Variants in PLAUR observed in about 807,000 individuals in gnomAD.
The protein encoded by PLAUR is plasminogen activator, urokinase receptor, also known as urokinase plasminogen activator surface receptor.
A neutral mutation model predicts 33.4 loss-of-function variants in PLAUR; 22 were observed. That is an observed-to-expected ratio of 0.66 (90% CI 0.47 to 0.94). The LOEUF is 0.94. Ranked by LOEUF, PLAUR falls within the 40% of genes least tolerant of loss-of-function variation. The pLI is 0.00. For missense variants in PLAUR, 408 were observed against 434.7 expected (o/e 0.94, Z 0.55); for synonymous variants, 148 against 167.3 (o/e 0.88, Z 0.89).
At chr19:43,651,041 A>AT (rs575485346) in intron 6 of PLAUR, among the ~76,000 whole-genome samples, 182 of 152,158 alleles carry the variant, frequency 1.2e-3, no homozygotes, top group African/African-American at 3.4e-3. Flanking sequence ...CAAAAAAAAA[A>AT]AAAAAAGATT....
At position 43,648,595 on chromosome 19, in the gene PLAUR, C is replaced by A. The variant is rs1377713236; in HGVS notation, c.*295G>T. Reference sequence around the variant, plus strand: ...CTGGCCTTGTCCACTGGTACAAAATCTTTATGTAAGTATAAAATAAATAAT... The same window carrying A: ...CTGGCCTTGTCCACTGGTACAAAATATTTATGTAAGTATAAAATAAATAAT... On this transcript the variant is annotated 3_prime_UTR_variant, in exon 7 of 7. Coordinates refer to ENST00000340093, the MANE Select transcript of PLAUR (RefSeq NM_002659.4). 1 of 985,772 alleles carries A rather than the reference C, an allele frequency of 1.0e-6. No homozygotes were observed. The highest frequency in any genetic ancestry group is 4.9e-5 in the Admixed American group (1 of 20,342). The allele number at this position is 985,772 out of a possible 1,614,324, so 61.1% of individuals were successfully genotyped here. A position where few individuals can be genotyped will look rare whatever the true frequency, so the allele number is the denominator to read the frequency against.
intron 1 of PLAUR, chr19:43,668,120 T>C: frequency 9.9e-7 from 1 of 1,007,708 alleles, no homozygotes; most frequent in Non-Finnish European, 1.2e-6. Context: ...GCGTCGATCT[T>C]TATGTTATAC....
At chr19:43,666,827 C>T (rs1048823817) in intron 2 of PLAUR, among the ~76,000 whole-genome samples, 2 of 151,834 alleles carry the variant, frequency 1.3e-5, no homozygotes, top group East Asian at 3.9e-4. Flanking sequence ...CCTCAGCCTC[C>T]CAAAGTGCTG....
At chr19:43,660,222 A>G (rs1023502180) in intron 3 of PLAUR, among the ~76,000 whole-genome samples, 1 of 151,416 alleles carries the variant, frequency 6.6e-6, no homozygotes, top group African/African-American at 2.4e-5. Context: ...CTGGAGTGCA[A>G]TGGTGTGATC....
chr19:43,650,167 T>C (rs748235767), intron 6 of PLAUR, among the ~76,000 whole-genome samples: 1 of 150,934 alleles, frequency 6.6e-6, no homozygotes, highest in Non-Finnish European at 1.5e-5. Context: ...GCGACCACCA[T>C]GCCCAGCTAA....
At chr19:43,665,219 G>A (rs1188744928) in intron 3 of PLAUR, 97 bp downstream of exon 3, 2 of 1,293,024 alleles carry the variant, frequency 1.5e-6, no homozygotes, top group East Asian at 2.3e-5. Flanking sequence ...TGGAGTTGGG[G>A]TTCAGCTGAT....
intron 6 of PLAUR, among the ~76,000 whole-genome samples, chr19:43,650,311 T>G (rs565616857): frequency 4.3e-4 from 58 of 135,408 alleles, no homozygotes; most frequent in African/African-American, 1.4e-3. Flanking sequence ...GCCTGGCTGG[T>G]TTTTTTTTTG....
intron 3 of PLAUR, among the ~76,000 whole-genome samples, chr19:43,658,757 A>C (rs1974311941): frequency 1.3e-5 from 2 of 152,196 alleles, no homozygotes; most frequent in African/African-American, 4.8e-5. Context: ...CTCAACTGGC[A>C]GGCCGCTAGC....
In PLAUR at chr19:43,670,082, GAGCAGC is replaced by G. The variant is rs768969786; in HGVS notation, c.33_38del (p.Leu12_Leu13del). On this transcript the variant is annotated inframe_deletion, in exon 1 of 7. Transcript: ENST00000340093. ...AGCCCCTACCTGGGACGCAGGTGTG[GAGCAGC>G]AGCAGCAGCGGCAGCAGCGGCGGGT... The G allele has an allele frequency of 6.2e-7, 1 of 1,613,060 alleles. No homozygotes were observed. Among genetic ancestry groups the G allele is most frequent in the South Asian group, 1.1e-5 (1 of 91,040 alleles).
intron 5 of PLAUR, among the ~76,000 whole-genome samples, chr19:43,653,983 G>C (rs960896510): frequency 6.6e-6 from 1 of 152,052 alleles, no homozygotes; most frequent in African/African-American, 2.4e-5. Flanking sequence ...AATTAGCCAG[G>C]CATGGTGGTG....
At chr19:43,652,052 T>G in intron 6 of PLAUR, 173 bp downstream of exon 6, 2 of 1,396,986 alleles carry the variant, frequency 1.4e-6, no homozygotes, top group Non-Finnish European at 1.9e-6. Flanking sequence ...AATGTCCACA[T>G]CCTGATGGAC....
intron 1 of PLAUR, among the ~76,000 whole-genome samples, chr19:43,668,541 G>C (rs1967371354): frequency 6.8e-6 from 1 of 146,022 alleles, no homozygotes; most frequent in Non-Finnish European, 1.5e-5. Flanking sequence ...TCATAACTCC[G>C]CCCCAGTCCC....
downstream of PLAUR, among the ~76,000 whole-genome samples, chr19:43,647,370 A>C (rs1002870221): frequency 5.3e-5 from 8 of 152,134 alleles, 1 homozygote; most frequent in Admixed American, 5.2e-4. Flanking sequence ...GTTATCTTCT[A>C]TCCGTCTCCT....
chr19:43,663,616 T>C (rs1967100491), intron 3 of PLAUR, among the ~76,000 whole-genome samples: 1 of 151,620 alleles, frequency 6.6e-6, no homozygotes, highest in Admixed American at 6.6e-5. Flanking sequence ...ACCTCATCTC[T>C]ACTAAAAATA....
At chr19:43,659,711 T>C (rs1458723284) in intron 3 of PLAUR, among the ~76,000 whole-genome samples, 2 of 152,154 alleles carry the variant, frequency 1.3e-5, no homozygotes, top group Non-Finnish European at 2.9e-5. Context: ...GGCGGCCCCA[T>C]CCAGTCCCCG....
chr19:43,653,616 G>T (rs1047229660), intron 5 of PLAUR, among the ~76,000 whole-genome samples: 1 of 150,222 alleles, frequency 6.7e-6, no homozygotes, highest in Non-Finnish European at 1.5e-5. Flanking sequence ...CCAAGATCAC[G>T]CCACTGCCCT....
downstream of PLAUR, chr19:43,646,340 T>C: frequency 1.6e-6 from 1 of 627,218 alleles, no homozygotes; most frequent in East Asian, 2.8e-5. Flanking sequence ...AAGTTTCCTG[T>C]TTCTTCTCTA....
chr19:43,661,048 T>C (rs1966964047), intron 3 of PLAUR: 1 of 152,184 alleles, frequency 6.6e-6, no homozygotes, highest in Non-Finnish European at 1.5e-5. Context: ...CTTTTGTAGC[T>C]TCCCAGTTGC....
intron 6 of PLAUR, among the ~76,000 whole-genome samples, chr19:43,651,234 A>G (rs1973981693): frequency 6.6e-6 from 1 of 151,574 alleles, no homozygotes; most frequent in African/African-American, 2.4e-5. Context: ...ATGTGCCACC[A>G]TGCCCGACTA....
Sources: gnomAD v4.1 joint callset for allele counts (sites outside exome capture counted in the v4.1 genomes callset) on GRCh38, gnomAD v4.1.1 for gene constraint, MANE v1.5 for transcripts, NCBI Gene and HGNC (gene_info 2026-07-23, HGNC 2026-07-21) for gene names.